PEBP4: variants seen among roughly 807,000 people sequenced by gnomAD.
The protein encoded by PEBP4 is phosphatidylethanolamine binding protein 4, also known as phosphatidylethanolamine-binding protein 4.
A neutral mutation model predicts 23.9 loss-of-function variants in PEBP4; 22 were observed. The ratio of observed to expected loss-of-function variants is 0.92; its 90% CI spans 0.66 to 1.31. The LOEUF is 1.31. Among genes scored for constraint, PEBP4 ranks in the 40% most tolerant of loss-of-function variants. The pLI, the probability that PEBP4 is intolerant of heterozygous loss-of-function variation, is 0.00. For synonymous variants in PEBP4, 112 were observed against 99.3 expected, an observed-to-expected ratio of 1.13 and a Z score of -0.76; for missense variants, 324 against 281.7, an observed-to-expected ratio of 1.15 and a Z score of -1.07.
chr8:22,778,655 C>T (rs1437342999), intron 4 of PEBP4, among the ~76,000 whole-genome samples: 14 of 152,152 alleles, frequency 9.2e-5, no homozygotes, highest in Non-Finnish European at 1.8e-4. Flanking sequence ...GGCCTGGGGC[C>T]ACCCTGTGGA....
At chr8:22,795,173 T>A (rs1278176887) in intron 4 of PEBP4, among the ~76,000 whole-genome samples, 2,210 of 40,224 alleles carry the variant, frequency 0.055, 73 homozygotes, top group African/African-American at 0.11. Flanking sequence ...ATTTTTTTTT[T>A]TTTTTTTTTT....
At chr8:22,806,987 T>C (rs1015216310) in intron 4 of PEBP4, among the ~76,000 whole-genome samples, 2 of 152,236 alleles carry the variant, frequency 1.3e-5, no homozygotes, top group Non-Finnish European at 2.9e-5. Flanking sequence ...TTCTTTTCTA[T>C]ATTGTCTCAG....
At chr8:22,800,047 C>A (rs1199940308) in intron 4 of PEBP4, among the ~76,000 whole-genome samples, 1 of 152,164 alleles carries the variant, frequency 6.6e-6, no homozygotes, top group Non-Finnish European at 1.5e-5. Context: ...AGTTAATATC[C>A]TTTGTAGGGA....
chr8:22,931,550 T>A (rs747934556), upstream of PEBP4, among the ~76,000 whole-genome samples: 1 of 150,380 alleles, frequency 6.6e-6, no homozygotes, highest in Non-Finnish European at 1.5e-5. Context: ...AATTGCTCCA[T>A]CCCTAAAATA....
At chr8:22,780,984 C>G (rs1000230646) in intron 4 of PEBP4, among the ~76,000 whole-genome samples, 1 of 152,208 alleles carries the variant, frequency 6.6e-6, no homozygotes. Context: ...GAAACTGGCT[C>G]AAAGAGACTC....
chr8:22,778,114 C>T (rs186855471), intron 4 of PEBP4, among the ~76,000 whole-genome samples: 15 of 152,140 alleles, frequency 9.9e-5, no homozygotes, highest in African/African-American at 3.6e-4. Context: ...AGGCTGCCTC[C>T]TGTACCCCTG....
At chr8:22,819,582 G>C (rs1585290799) in intron 3 of PEBP4, among the ~76,000 whole-genome samples, 1 of 152,000 alleles carries the variant, frequency 6.6e-6, no homozygotes, top group East Asian at 1.9e-4. Flanking sequence ...GAGGAAAGAA[G>C]AGTCAAGATT....
intron 5 of PEBP4, among the ~76,000 whole-genome samples, chr8:22,726,285 G>C (rs754032038): frequency 2.0e-5 from 3 of 152,202 alleles, no homozygotes; most frequent in African/African-American, 7.2e-5. Flanking sequence ...AGGTATGGAG[G>C]GCAGATGGGA....
chr8:22,884,644 AC>A (rs1563248963), intron 3 of PEBP4: 1 of 152,362 alleles, frequency 6.6e-6, no homozygotes, highest in East Asian at 1.9e-4. Context: ...CACCCCCTTG[AC>A]AAAGGGCCAT....
chr8:22,875,554 C>G (rs2128771171), intron 3 of PEBP4, among the ~76,000 whole-genome samples: 1 of 152,264 alleles, frequency 6.6e-6, no homozygotes, highest in Non-Finnish European at 1.5e-5. Flanking sequence ...AAAGAGGAAA[C>G]TGCTTACAAA....
At chr8:22,924,651 C>T (rs926151633) in intron 2 of PEBP4, 28 of 985,074 alleles carry the variant, frequency 2.8e-5, no homozygotes, top group East Asian at 1.1e-4. Context: ...AAAAGCAGGA[C>T]GCTTTGAGCA....
chr8:22,751,581 A>AGTGT (rs1185790294), intron 4 of PEBP4, among the ~76,000 whole-genome samples: 1 of 127,512 alleles, frequency 7.8e-6, no homozygotes, highest in Admixed American at 7.8e-5. Context: ...GATAAGGAGG[A>AGTGT]GTGTGTCTGT....
At chr8:22,751,774 TCAGAGGCCC>T (rs1391587483) in intron 4 of PEBP4, among the ~76,000 whole-genome samples, 7 of 152,212 alleles carry the variant, frequency 4.6e-5, no homozygotes, top group African/African-American at 1.7e-4. Flanking sequence ...GCAGCCTGCC[TCAGAGGCCC>T]CAGATGTGGA....
rs533132922 is a variant in PEBP4, at chr8:22,920,252, A to G, written c.190T>C (p.Cys64Arg). Residue 64 changes from cysteine (C) to arginine (R), a missense_variant, in exon 3 of 7, where the codon TGT (cysteine) becomes CGT (arginine). By Grantham distance (180) the Cys-to-Arg change is radical (BLOSUM62 -3). Coordinates refer to ENST00000256404, the MANE Select transcript of PEBP4 (RefSeq NM_144962.3). ...GNIGCKVVPD[C>R]NNYRQKITSW... ...GTGATCTTCTGTCTGTAGTTGTTAC[A>G]ATCAGGAACAACCTTGCAGCCAATG... 44 of 1,613,840 alleles carry G rather than the reference A, an allele frequency of 2.7e-5. No homozygotes were observed. The African/African-American group carries it at 5.2e-4, about 19-fold the overall frequency.
At chr8:22,731,400 C>T (rs1804728625) in intron 4 of PEBP4, among the ~76,000 whole-genome samples, 1 of 152,140 alleles carries the variant, frequency 6.6e-6, no homozygotes. Context: ...TTTCCTCTTC[C>T]TTAGGATTTT....
At chr8:22,815,889 T>G (rs1806730771) in intron 4 of PEBP4, among the ~76,000 whole-genome samples, 1 of 152,162 alleles carries the variant, frequency 6.6e-6, no homozygotes. Context: ...GGCAGCCTCA[T>G]GGTCCCAAGT....
intron 1 of PEBP4, among the ~76,000 whole-genome samples, chr8:22,938,944 G>C (rs1425653703): frequency 6.6e-6 from 1 of 152,196 alleles, no homozygotes; most frequent in Non-Finnish European, 1.5e-5. Context: ...TCTGACCTTT[G>C]GTTGTCCTAC....
At chr8:22,917,881 C>T (rs1366851814) in intron 3 of PEBP4, among the ~76,000 whole-genome samples, 1 of 152,138 alleles carries the variant, frequency 6.6e-6, no homozygotes, top group African/African-American at 2.4e-5. Flanking sequence ...CTGTTGGGGC[C>T]ATCTTTGTCA....
At chr8:22,916,590 G>T (rs7829314) in intron 3 of PEBP4, among the ~76,000 whole-genome samples, 1 of 151,966 alleles carries the variant, frequency 6.6e-6, no homozygotes, top group African/African-American at 2.4e-5. Flanking sequence ...TGAAAGGGCC[G>T]ACAGTTTGGC....
Sources: gnomAD v4.1 joint callset for allele counts (sites outside exome capture counted in the v4.1 genomes callset) on GRCh38, gnomAD v4.1.1 for gene constraint, MANE v1.5 for transcripts, NCBI Gene and HGNC (gene_info 2026-07-23, HGNC 2026-07-21) for gene names.